Variants in COMMD10 observed in about 807,000 individuals in gnomAD.
COMMD10 encodes COMM domain containing 10.
COMMD10 carries 33 observed loss-of-function variants against 28.9 expected under a neutral mutation model. The observed-to-expected ratio is 1.14, with a 90% CI of 0.87 to 1.53. COMMD10 has a LOEUF of 1.53. Among genes scored for constraint, COMMD10 ranks in the 40% most tolerant of loss-of-function variants. The pLI is 0.00. For synonymous variants in COMMD10, 110 were observed against 81.7 expected (o/e 1.35, Z -1.87); for missense variants, 310 against 233.4 (o/e 1.33, Z -2.14).
chr5:116,269,835 C>A (rs1315984850), intron 5 of COMMD10, among the ~76,000 whole-genome samples: 1 of 151,690 alleles, frequency 6.6e-6, no homozygotes, highest in Admixed American at 6.6e-5. Context: ...ACTTCTCTAC[C>A]TTTTGTTAGA....
chr5:116,135,632 G>A (rs966688833), intron 5 of COMMD10, among the ~76,000 whole-genome samples: 11 of 152,222 alleles, frequency 7.2e-5, no homozygotes, highest in Admixed American at 3.9e-4. Flanking sequence ...AAGAGACCAC[G>A]TCCACATAAC....
chr5:116,237,992 C>T (rs754717145), intron 5 of COMMD10, among the ~76,000 whole-genome samples: 15 of 152,062 alleles, frequency 9.9e-5, no homozygotes, highest in Non-Finnish European at 8.8e-5. Context: ...GCAATCTGCT[C>T]CCAGAATGTT....
intron 5 of COMMD10, among the ~76,000 whole-genome samples, chr5:116,163,439 A>AAAAC (rs1752986188): frequency 6.6e-6 from 1 of 150,406 alleles, no homozygotes; most frequent in South Asian, 2.1e-4. Flanking sequence ...AAAAAAAAAA[A>AAAAC]AAAAGCCAGG....
intron 5 of COMMD10, among the ~76,000 whole-genome samples, chr5:116,269,502 G>T (rs1750699058): frequency 6.6e-6 from 1 of 151,708 alleles, no homozygotes; most frequent in Non-Finnish European, 1.5e-5. Context: ...TGCAGTTCAA[G>T]TTAGAAAAAT....
At chr5:116,275,585 A>G (rs1750886998) in intron 5 of COMMD10, among the ~76,000 whole-genome samples, 2 of 151,680 alleles carry the variant, frequency 1.3e-5, no homozygotes, top group South Asian at 4.1e-4. Flanking sequence ...TAACCCCAAC[A>G]CCCTAGCGTG....
chr5:116,260,698 C>T (rs1750419482), intron 5 of COMMD10, among the ~76,000 whole-genome samples: 1 of 151,636 alleles, frequency 6.6e-6, no homozygotes, highest in South Asian at 2.1e-4. Context: ...TCTAAAATGG[C>T]CAGAGATTTG....
intron 4 of COMMD10, among the ~76,000 whole-genome samples, chr5:116,123,360 A>T (rs1751508406): frequency 6.6e-6 from 1 of 152,010 alleles, no homozygotes; most frequent in African/African-American, 2.4e-5. Context: ...TATTTATGTG[A>T]TGGATTACGT....
chr5:116,218,036 C>G lies in COMMD10; in HGVS notation c.511-73481C>G, dbSNP rs116010779. ...AATGCACACACTTCTCTTGGCACCTCCAGCACCTTCAGCTTTCTGTGCCTG... is the reference window on the plus strand; with the variant it reads ...AATGCACACACTTCTCTTGGCACCTGCAGCACCTTCAGCTTTCTGTGCCTG... On this transcript the variant is annotated intron_variant, in intron 5 of 6. Transcript: ENST00000274458. 6.4e-6 allele frequency: 7 copies of G among 1,095,394 alleles called. No homozygotes were observed. In the African/African-American group the frequency reaches 7.7e-5, roughly 12 times the overall value. 67.9% of individuals were successfully genotyped at this position (1,095,394 alleles called of 1,614,324 possible).
chr5:116,160,784 T>C (rs1752891206), intron 5 of COMMD10, among the ~76,000 whole-genome samples: 1 of 152,192 alleles, frequency 6.6e-6, no homozygotes, highest in African/African-American at 2.4e-5. Context: ...TTCTCTGTAA[T>C]GAAAGTAGGA....
At chr5:116,158,103 C>A (rs115534466) in intron 5 of COMMD10, among the ~76,000 whole-genome samples, 45 of 147,394 alleles carry the variant, frequency 3.1e-4, no homozygotes, top group Middle Eastern at 3.5e-3. Context: ...CAGATGCCTG[C>A]CTGCCTGCAG....
intron 5 of COMMD10, among the ~76,000 whole-genome samples, chr5:116,241,124 A>G (rs184552934): frequency 6.6e-6 from 1 of 152,294 alleles, no homozygotes; most frequent in African/African-American, 2.4e-5. Flanking sequence ...AGAACTACTA[A>G]TTGAGGTTCA....
At chr5:116,131,410 T>C (rs1040177815) in intron 4 of COMMD10, among the ~76,000 whole-genome samples, 1 of 151,228 alleles carries the variant, frequency 6.6e-6, no homozygotes, top group Non-Finnish European at 1.5e-5. Context: ...TATGTGTGTA[T>C]GTATGTATGT....
At chr5:116,218,140 T>A in intron 5 of COMMD10, 1 of 1,207,652 alleles carries the variant, frequency 8.3e-7, no homozygotes, top group Non-Finnish European at 1.2e-6. Context: ...TCCCTTTGGG[T>A]ACCTTCTCTC....
intron 5 of COMMD10, among the ~76,000 whole-genome samples, chr5:116,237,501 T>C (rs1295885898): frequency 6.6e-6 from 1 of 152,054 alleles, no homozygotes; most frequent in East Asian, 1.9e-4. Context: ...TATTTTAAAA[T>C]GTAGATAAAC....
chr5:116,236,640 A>G (rs1749672424), intron 5 of COMMD10, among the ~76,000 whole-genome samples: 1 of 152,120 alleles, frequency 6.6e-6, no homozygotes, highest in Non-Finnish European at 1.5e-5. Flanking sequence ...ACATTCTAGA[A>G]GAGACAAAAC....
intron 5 of COMMD10, among the ~76,000 whole-genome samples, chr5:116,287,896 T>G (rs1680991702): frequency 6.6e-6 from 1 of 151,906 alleles, no homozygotes; most frequent in Non-Finnish European, 1.5e-5. Context: ...TACATTTCTA[T>G]ATATTACATG....
At chr5:116,158,941 T>G (rs1752829697) in intron 5 of COMMD10, among the ~76,000 whole-genome samples, 1 of 152,050 alleles carries the variant, frequency 6.6e-6, no homozygotes, top group Admixed American at 6.6e-5. Context: ...TTTTTCAGTC[T>G]TGTCACAGGG....
intron 5 of COMMD10, among the ~76,000 whole-genome samples, chr5:116,255,511 C>T (rs540258665): frequency 1.3e-5 from 2 of 151,712 alleles, no homozygotes; most frequent in African/African-American, 2.4e-5. Flanking sequence ...CAAAATCTCT[C>T]AGCATTTGCT....
chr5:116,124,213 T>G (rs570134351), intron 4 of COMMD10, among the ~76,000 whole-genome samples: 1 of 152,344 alleles, frequency 6.6e-6, no homozygotes, highest in South Asian at 2.1e-4. Context: ...TTTAGTGCTA[T>G]AAATTTCCTT....
Sources: gnomAD v4.1 joint callset for allele counts (sites outside exome capture counted in the v4.1 genomes callset) on GRCh38, gnomAD v4.1.1 for gene constraint, MANE v1.5 for transcripts, NCBI Gene and HGNC (gene_info 2026-07-23, HGNC 2026-07-21) for gene names.